Variants in PARVA observed in about 807,000 individuals in gnomAD.
PARVA encodes the protein parvin alpha, also known as alpha-parvin.
In PARVA, 25 loss-of-function variants were observed where a neutral mutation model predicts 52.6. The ratio of observed to expected loss-of-function variants is 0.48; its 90% CI spans 0.35 to 0.66. The LOEUF (loss-of-function observed/expected upper bound fraction) is 0.66. Ranked by LOEUF, PARVA falls within the 30% of genes least tolerant of loss-of-function variation. The pLI is 0.01. For missense variants in PARVA, 373 were observed against 450.9 expected, an observed-to-expected ratio of 0.83 and a Z score of 1.56; for synonymous variants, 185 against 179.1, an observed-to-expected ratio of 1.03 and a Z score of -0.26.
chr11:12,444,955 TGTC>T (rs1397041854), intron 1 of PARVA, among the ~76,000 whole-genome samples: 1 of 152,080 alleles, frequency 6.6e-6, no homozygotes, highest in Non-Finnish European at 1.5e-5. Flanking sequence ...TGAGAGGGCT[TGTC>T]GTATAAAGAA....
intron 1 of PARVA, among the ~76,000 whole-genome samples, chr11:12,439,856 C>T (rs2135002695): frequency 6.6e-6 from 1 of 152,326 alleles, no homozygotes; most frequent in Non-Finnish European, 1.5e-5. Flanking sequence ...ATAACTGGCT[C>T]CTTCACTCCA....
chr11:12,466,311 G>GTT (rs36045215), intron 1 of PARVA, among the ~76,000 whole-genome samples: 3,114 of 142,950 alleles, frequency 0.022, 98 homozygotes, highest in African/African-American at 0.068. Context: ...TTATTTAGTT[G>GTT]TTTTTTTTTT....
upstream of PARVA, among the ~76,000 whole-genome samples, chr11:12,376,487 A>G (rs1939389483): frequency 6.6e-6 from 1 of 152,218 alleles, no homozygotes; most frequent in South Asian, 2.1e-4. Context: ...TTGATTGCGA[A>G]TGATCATCAG....
At chr11:12,518,216 A>G (rs1362293883) in intron 11 of PARVA, among the ~76,000 whole-genome samples, 1 of 152,206 alleles carries the variant, frequency 6.6e-6, no homozygotes, top group Admixed American at 6.5e-5. Context: ...ACACAGTAGG[A>G]TATGAAGGGA....
At chr11:12,389,283 T>C (rs1939623562) in intron 1 of PARVA, among the ~76,000 whole-genome samples, 1 of 152,084 alleles carries the variant, frequency 6.6e-6, no homozygotes, top group Admixed American at 6.5e-5. Context: ...ATCACCCCAG[T>C]GTCTGCTCCC....
At chr11:12,386,554 C>G (rs1014400160) in intron 1 of PARVA, among the ~76,000 whole-genome samples, 3 of 152,156 alleles carry the variant, frequency 2.0e-5, no homozygotes, top group Non-Finnish European at 4.4e-5. Flanking sequence ...CTGCTTGTCA[C>G]ACACTATGGT....
At chr11:12,486,652 C>A (rs1169747395) in intron 4 of PARVA, among the ~76,000 whole-genome samples, 1 of 152,058 alleles carries the variant, frequency 6.6e-6, no homozygotes, top group East Asian at 1.9e-4. Context: ...TCAAGACCAG[C>A]CTGACCAACA....
Position 12,486,154 on chromosome 11 carries a change from A to G in PARVA, c.400+8205A>G, listed in dbSNP as rs1029682680. On this transcript the variant is annotated intron_variant, in intron 4 of 12. Coordinates refer to ENST00000334956, the MANE Select transcript of PARVA (RefSeq NM_018222.5). ...TGTGAGCTGTTAACAATAGGAGGGG[A>G]AACTGAGTTCGGAGTGCATAGGAAT... 8.5e-5 allele frequency among the ~76,000 whole-genome samples: 13 copies of G among 152,282 alleles called. No individual in the cohort carries two copies. In the East Asian group the frequency reaches 1.4e-3, roughly 16 times the overall value.
intron 1 of PARVA, among the ~76,000 whole-genome samples, chr11:12,429,023 G>C (rs892848160): frequency 6.6e-6 from 1 of 152,098 alleles, no homozygotes; most frequent in Non-Finnish European, 1.5e-5. Context: ...TGTTGCCTAG[G>C]CTGGAGTGCA....
At chr11:12,496,620 G>C (rs1244555440) in intron 5 of PARVA, 22 bp downstream of exon 5, 1 of 1,607,038 alleles carries the variant, frequency 6.2e-7, no homozygotes, top group Non-Finnish European at 8.5e-7. Context: ...AAAGGAAAGG[G>C]GCACCATTAA....
chr11:12,429,418 G>T (rs571816558), intron 1 of PARVA, among the ~76,000 whole-genome samples: 1 of 152,304 alleles, frequency 6.6e-6, no homozygotes, highest in East Asian at 1.9e-4. Flanking sequence ...CCAGTAAAAA[G>T]TGTGTGTACA....
At chr11:12,424,952 G>T (rs1329278981) in intron 1 of PARVA, among the ~76,000 whole-genome samples, 2 of 152,058 alleles carry the variant, frequency 1.3e-5, no homozygotes, top group Non-Finnish European at 2.9e-5. Context: ...CTGTGTGTAG[G>T]ATATTATTTG....
At chr11:12,395,110 A>AAAGT (rs1281160183) in intron 1 of PARVA, among the ~76,000 whole-genome samples, 4 of 149,634 alleles carry the variant, frequency 2.7e-5, no homozygotes, top group African/African-American at 1.0e-4. Flanking sequence ...AAAAAAAAAG[A>AAAGT]AAGAAGAGGC....
upstream of PARVA, among the ~76,000 whole-genome samples, chr11:12,377,012 A>G (rs1211191973): frequency 6.6e-6 from 1 of 152,222 alleles, no homozygotes; most frequent in Admixed American, 6.5e-5. Context: ...TGTGCACTCC[A>G]AGCTTCTCAG....
At chr11:12,430,003 A>G (rs1940294645) in intron 1 of PARVA, among the ~76,000 whole-genome samples, 1 of 152,172 alleles carries the variant, frequency 6.6e-6, no homozygotes, top group Non-Finnish European at 1.5e-5. Flanking sequence ...ACACTTTTAA[A>G]TTTTACAGAC....
At chr11:12,459,712 TG>T (rs1217304133) in intron 1 of PARVA, among the ~76,000 whole-genome samples, 7 of 152,126 alleles carry the variant, frequency 4.6e-5, no homozygotes, top group African/African-American at 1.4e-4. Context: ...TTATATGACA[TG>T]AAAAAAGCAG....
chr11:12,452,044 TGC>T (rs1038171593), intron 1 of PARVA, among the ~76,000 whole-genome samples: 2 of 151,982 alleles, frequency 1.3e-5, no homozygotes, highest in African/African-American at 4.8e-5. Context: ...GATAGTCTCC[TGC>T]CACCACCACC....
chr11:12,455,930 C>T lies in PARVA; in HGVS notation c.137-17815C>T, dbSNP rs143984908. Among the ~76,000 whole-genome samples, 705 of 152,304 alleles carry T rather than the reference C, an allele frequency of 4.6e-3. 4 individuals are homozygous for T. The highest frequency in any genetic ancestry group is 0.015 in the African/African-American group (639 of 41,572). On this transcript the variant is annotated intron_variant, in intron 1 of 12. Transcript: ENST00000334956. ...ATTCCTTCTCCAGTCTGCCTGGGTA[C>T]TTTCACCATGCCACCTGTTCCAAAA... is the stretch of plus-strand genomic sequence containing the variant.
intron 1 of PARVA, among the ~76,000 whole-genome samples, chr11:12,414,410 T>C (rs1940035179): frequency 6.6e-6 from 1 of 152,242 alleles, no homozygotes; most frequent in African/African-American, 2.4e-5. Flanking sequence ...TGAAATGCCT[T>C]CGCTTTTGCT....
Sources: gnomAD v4.1 joint callset for allele counts (sites outside exome capture counted in the v4.1 genomes callset) on GRCh38, gnomAD v4.1.1 for gene constraint, MANE v1.5 for transcripts, NCBI Gene and HGNC (gene_info 2026-07-23, HGNC 2026-07-21) for gene names.